The following OR51B5 variants were observed in gnomAD, a reference collection of about 807,000 sequenced individuals.
OR51B5 encodes the protein olfactory receptor 51B5.
For synonymous variants in OR51B5, 186 were observed against 144.8 expected (o/e 1.28, Z -2.04); for missense variants, 456 against 374.6 (o/e 1.22, Z -1.79).
chr11:5,364,887 A>G (rs1469417515), intron 1 of OR51B5, among the ~76,000 whole-genome samples: 1 of 152,226 alleles, frequency 6.6e-6, no homozygotes, highest in East Asian at 1.9e-4. Context: ...GTTTTATTAA[A>G]TGATTTTAGT....
At chr11:5,476,248 A>C (rs944458657) in intron 1 of OR51B5, among the ~76,000 whole-genome samples, 1 of 152,196 alleles carries the variant, frequency 6.6e-6, no homozygotes, top group African/African-American at 2.4e-5. Context: ...TAATTCTATA[A>C]ACTCGTTTAA....
intron 1 of OR51B5, chr11:5,488,834 T>C (rs267602956): frequency 3.3e-5 from 54 of 1,613,956 alleles, no homozygotes; most frequent in Non-Finnish European, 3.6e-5. Context: ...GTAGCACTGG[T>C]TGGAAATGCT....
intron 1 of OR51B5, among the ~76,000 whole-genome samples, chr11:5,357,120 A>C (rs11036976): frequency 0.023 from 3,513 of 152,250 alleles, 75 homozygotes; most frequent in Middle Eastern, 0.075. Flanking sequence ...AAATTCACAC[A>C]TAACAATATT....
intron 1 of OR51B5, chr11:5,422,722 C>T (rs1455650962): frequency 6.2e-7 from 1 of 1,614,074 alleles, no homozygotes; most frequent in Non-Finnish European, 8.5e-7. Context: ...GCCACTCCCA[C>T]CTTCTCTCTC....
chr11:5,341,103 C>T (rs1589940445), downstream of OR51B5: 1 of 152,096 alleles, frequency 6.6e-6, no homozygotes, highest in Admixed American at 6.6e-5. Flanking sequence ...ATAAGGATTG[C>T]AGTTTTTCTT....
intron 1 of OR51B5, among the ~76,000 whole-genome samples, chr11:5,358,053 T>C (rs894764747): frequency 1.3e-4 from 19 of 151,584 alleles, no homozygotes; most frequent in Non-Finnish European, 2.7e-4. Context: ...AGATCTAAAA[T>C]TGACACCCTA....
intron 1 of OR51B5, among the ~76,000 whole-genome samples, chr11:5,404,554 C>G (rs974563021): frequency 6.6e-6 from 1 of 152,248 alleles, no homozygotes; most frequent in Admixed American, 6.5e-5. Context: ...TAAAATGGAC[C>G]AAGAAACAGG....
At chr11:5,367,636 G>T (rs1481975217) in intron 1 of OR51B5, among the ~76,000 whole-genome samples, 4 of 152,140 alleles carry the variant, frequency 2.6e-5, no homozygotes, top group Admixed American at 2.6e-4. Flanking sequence ...TTTATGACCT[G>T]TATCTTGTGC....
At chr11:5,479,093 G>A (rs1269279380) in intron 1 of OR51B5, among the ~76,000 whole-genome samples, 1 of 150,898 alleles carries the variant, frequency 6.6e-6, no homozygotes, top group African/African-American at 2.4e-5. Flanking sequence ...AGGAAAAAAT[G>A]TTAAGGGCAG....
Position 5,427,165 on chromosome 11 carries a change from T to C in OR51B5, n.84+78404A>G, listed in dbSNP as rs142749022. The stretch of plus-strand genomic sequence containing the variant: ...TTCTCCTTCTCCCCTATGAAGATGG[T>C]ATATACCGACCGTCCAACCTTTCTT... On this transcript the variant is annotated intron_variant and non_coding_transcript_variant, in intron 1 of 4. Coordinates refer to the OR51B5 transcript ENST00000415970. Among the ~76,000 whole-genome samples, 550 of 121,760 alleles carry C rather than the reference T, an allele frequency of 4.5e-3. 5 individuals carry two copies. Among genetic ancestry groups the C allele is most frequent in the African/African-American group, 0.013 (495 of 38,878 alleles). The allele number at this position is 121,760 out of a possible 152,430, so 79.9% of individuals were successfully genotyped here. A position where few individuals can be genotyped will look rare whatever the true frequency, so the allele number is the denominator to read the frequency against.
chr11:5,472,278 G>C (rs972855150), intron 1 of OR51B5, among the ~76,000 whole-genome samples: 4 of 152,096 alleles, frequency 2.6e-5, no homozygotes, highest in Non-Finnish European at 4.4e-5. Flanking sequence ...ATCACAGACT[G>C]TCTCTCCTTC....
At chr11:5,371,781 C>A (rs1249708558) in intron 1 of OR51B5, among the ~76,000 whole-genome samples, 1 of 152,112 alleles carries the variant, frequency 6.6e-6, no homozygotes, top group Non-Finnish European at 1.5e-5. Context: ...CATCTAACAT[C>A]TACTGTCATA....
intron 1 of OR51B5, among the ~76,000 whole-genome samples, chr11:5,427,202 A>G (rs959421090): frequency 2.6e-5 from 4 of 152,086 alleles, no homozygotes; most frequent in Non-Finnish European, 5.9e-5. Flanking sequence ...TGAGTTTCAT[A>G]TTTTATGTGG....
intron 1 of OR51B5, among the ~76,000 whole-genome samples, chr11:5,402,444 T>A (rs749438827): frequency 7.9e-5 from 12 of 152,256 alleles, no homozygotes; most frequent in Non-Finnish European, 1.6e-4. Flanking sequence ...TTGTCAGTTT[T>A]TAGAAATAAG....
intron 1 of OR51B5, among the ~76,000 whole-genome samples, chr11:5,417,593 C>T (rs1039497046): frequency 6.6e-6 from 1 of 150,966 alleles, no homozygotes; most frequent in Non-Finnish European, 1.5e-5. Flanking sequence ...AAAAAAAAAC[C>T]CCATCCAAAA....
intron 1 of OR51B5, among the ~76,000 whole-genome samples, chr11:5,385,955 T>C (rs1849688888): frequency 6.7e-6 from 1 of 149,318 alleles, no homozygotes; most frequent in South Asian, 2.1e-4. Context: ...TATATATATA[T>C]CAATAAGTAT....
intron 1 of OR51B5, chr11:5,489,523 C>T (rs759118772): frequency 1.4e-5 from 23 of 1,614,056 alleles, no homozygotes; most frequent in Non-Finnish European, 1.8e-5. Flanking sequence ...CCACGAAGTC[C>T]CCAAGCATGT....
intron 1 of OR51B5, chr11:5,390,401 C>G (rs764001992): frequency 6.5e-7 from 1 of 1,542,234 alleles, no homozygotes; most frequent in Admixed American, 2.0e-5. Context: ...AAAACTCCCC[C>G]TAGAGGCCTA....
chr11:5,342,034 G>T (rs1848903169), downstream of OR51B5, among the ~76,000 whole-genome samples: 1 of 152,170 alleles, frequency 6.6e-6, no homozygotes, highest in Non-Finnish European at 1.5e-5. Context: ...GAACCAACTA[G>T]ACTGTTGAGA....
Sources: allele counts gnomAD v4.1 joint callset (sites outside exome capture counted in the v4.1 genomes callset), GRCh38; gene constraint gnomAD v4.1.1; transcripts MANE v1.5; gene names NCBI Gene and HGNC (gene_info 2026-07-23, HGNC 2026-07-21).